FBN2: variants seen among roughly 807,000 people sequenced by gnomAD.
The protein encoded by FBN2 is fibrillin 2.
FBN2 carries 105 observed loss-of-function variants against 355.6 expected under a neutral mutation model. That is an observed-to-expected ratio of 0.30 (90% confidence interval 0.25 to 0.35). FBN2 has a LOEUF of 0.35. FBN2 is among the 10% of genes least tolerant of loss of function. FBN2 has a pLI of 1.00. For missense variants in FBN2, 3,280 were observed against 3,758.7 expected (o/e 0.87, Z 3.33); for synonymous variants, 1,350 against 1,301.2 (o/e 1.04, Z -0.81).
At position 128,258,387 on chromosome 5, in the gene FBN2, T is replaced by G. The variant is rs1192393623; in HGVS notation, c.*1068A>C. 2 of 152,468 alleles carry G rather than the reference T, an allele frequency of 1.3e-5. No homozygotes were observed. Among genetic ancestry groups the G allele is most frequent in the African/African-American group, 4.8e-5 (2 of 41,386 alleles). 9.4% of individuals were successfully genotyped at this position (152,468 alleles called of 1,614,324 possible). On this transcript the variant is annotated 3_prime_UTR_variant, in exon 65 of 65. Transcript: ENST00000262464. ...TGAAAATTCTAAAAAAAAAATGGGT[T>G]TAAAACAACAACAACAACATATATT... is the stretch of plus-strand genomic sequence containing the variant.
chr5:128,537,571 G>A lies in FBN2; in HGVS notation c.33C>T (p.Leu11=). ...CCACACAGCCCAGCCACAGGAAGTA[G>A]AGCTGGAGACACAGCCTCCGTCTTC... MGRRRRLCLQ[L]YFLWLGCVVL... Residue 11 remains leucine (L), a synonymous_variant, in exon 1 of 65, where the codon CTC becomes CTT. Transcript: ENST00000262464. 2 of 1,606,200 alleles carry A rather than the reference G, an allele frequency of 1.2e-6. No homozygotes were observed. The highest frequency in any genetic ancestry group is 1.7e-6 in the Non-Finnish European group (2 of 1,177,700).
At chr5:128,474,194 AC>A (rs1353748024) in intron 5 of FBN2, among the ~76,000 whole-genome samples, 2 of 152,224 alleles carry the variant, frequency 1.3e-5, no homozygotes, top group Non-Finnish European at 2.9e-5. Context: ...TACTTTAAGG[AC>A]AACAAAAATT....
At chr5:128,371,605 C>T (rs962433763) in intron 15 of FBN2, among the ~76,000 whole-genome samples, 1 of 148,998 alleles carries the variant, frequency 6.7e-6, no homozygotes, top group South Asian at 2.2e-4. Flanking sequence ...ATGATCTTGA[C>T]TCACTACAAC....
intron 36 of FBN2, among the ~76,000 whole-genome samples, chr5:128,315,278 A>C (rs1490864512): frequency 6.6e-6 from 1 of 152,188 alleles, no homozygotes; most frequent in South Asian, 2.1e-4. Flanking sequence ...TCAATTTTTT[A>C]ATCTATATTT....
intron 6 of FBN2, among the ~76,000 whole-genome samples, chr5:128,456,007 A>C (rs1754379980): frequency 1.4e-5 from 2 of 144,216 alleles, no homozygotes; most frequent in East Asian, 2.0e-4. Context: ...AAAAAAAAAA[A>C]AAAAAAAAAA....
chr5:128,421,195 T>A (rs1213204519), intron 7 of FBN2, among the ~76,000 whole-genome samples: 1 of 152,198 alleles, frequency 6.6e-6, no homozygotes, highest in Non-Finnish European at 1.5e-5. Context: ...GTCCTTGCAC[T>A]GTAGGCAATG....
intron 5 of FBN2, among the ~76,000 whole-genome samples, chr5:128,480,297 GTC>G (rs1186277708): frequency 6.6e-6 from 1 of 151,132 alleles, no homozygotes; most frequent in East Asian, 1.9e-4. Context: ...CATATTTTGT[GTC>G]TCTGCCATTA....
At chr5:128,291,960 T>A (rs920804949) in intron 48 of FBN2, among the ~76,000 whole-genome samples, 1 of 152,106 alleles carries the variant, frequency 6.6e-6, no homozygotes, top group Admixed American at 6.5e-5. Context: ...AGGCTCCATG[T>A]GGCCAAATGT....
At chr5:128,525,382 G>A (rs77151714) in intron 4 of FBN2, among the ~76,000 whole-genome samples, 2,604 of 152,184 alleles carry the variant, frequency 0.017, 75 homozygotes, top group African/African-American at 0.06. Flanking sequence ...TACTGTGTTC[G>A]TGATAGACTT....
intron 7 of FBN2, among the ~76,000 whole-genome samples, chr5:128,435,947 T>C (rs1372689681): frequency 6.6e-6 from 1 of 152,248 alleles, no homozygotes; most frequent in Non-Finnish European, 1.5e-5. Flanking sequence ...GAACTCTTTC[T>C]GGTCTAGACT....
intron 25 of FBN2, among the ~76,000 whole-genome samples, chr5:128,342,655 A>G (rs2126909364): frequency 6.6e-6 from 1 of 152,142 alleles, no homozygotes; most frequent in African/African-American, 2.4e-5. Flanking sequence ...GGAAAAGAGG[A>G]GTTAACCCCA....
chr5:128,455,990 C>CAAAAAAAAA lies in FBN2; in HGVS notation c.826+8725_826+8733dup, dbSNP rs70997371. Among the ~76,000 whole-genome samples the CAAAAAAAAA allele has an allele frequency of 9.5e-3, 240 of 25,268 alleles. 80 individuals carry two copies. The Middle Eastern group carries it at 0.17, about 18-fold the overall frequency. The allele number at this position is 25,268 out of a possible 152,430, so 16.6% of individuals were successfully genotyped here. A position where few individuals can be genotyped will look rare whatever the true frequency, so the allele number is the denominator to read the frequency against. ...GAGCTCCTTGGGGGAGGGTTAGCAA[C>CAAAAAAAAA]AAAAAAAAAAAAAAAAAAAAAAAAA... On this transcript the variant is annotated intron_variant, in intron 6 of 64. Coordinates refer to ENST00000262464, the MANE Select transcript of FBN2 (RefSeq NM_001999.4).
intron 5 of FBN2, among the ~76,000 whole-genome samples, chr5:128,494,624 A>G (rs1755604007): frequency 6.6e-6 from 1 of 152,192 alleles, no homozygotes. Context: ...AGCTTAACAG[A>G]TCAGGGACAA....
intron 7 of FBN2, among the ~76,000 whole-genome samples, chr5:128,422,935 A>C (rs764720209): frequency 6.6e-6 from 1 of 152,208 alleles, no homozygotes; most frequent in Non-Finnish European, 1.5e-5. Context: ...GTTTCAAAAT[A>C]AAAGATAAAT....
intron 7 of FBN2, among the ~76,000 whole-genome samples, chr5:128,415,041 T>C (rs1364517488): frequency 6.6e-6 from 1 of 152,186 alleles, no homozygotes; most frequent in Non-Finnish European, 1.5e-5. Flanking sequence ...GATTTGCCTA[T>C]GAATTTCCAT....
chr5:128,287,169 G>T (rs1749178053), intron 54 of FBN2, 139 bp downstream of exon 54: 2 of 1,077,424 alleles, frequency 1.9e-6, no homozygotes, highest in African/African-American at 1.5e-5. Flanking sequence ...TCTAGGTATG[G>T]AAATCTACTA....
intron 7 of FBN2, among the ~76,000 whole-genome samples, chr5:128,433,984 T>A (rs1245218588): frequency 6.6e-6 from 1 of 152,144 alleles, no homozygotes; most frequent in East Asian, 1.9e-4. Flanking sequence ...TGATTTTGTG[T>A]CTTCTAAAAT....
chr5:128,266,081 TTTA>T lies in FBN2; in HGVS notation c.7961-2428_7961-2426del, dbSNP rs1765107505. ...CTAATTCTTTTGCTAACTTGTTGCT[TTTA>T]TTAGTTTCCTGAAGGGGTATTTCAC... On this transcript the variant is annotated intron_variant, in intron 62 of 64. Transcript: ENST00000262464. Among the ~76,000 whole-genome samples the T allele has an allele frequency of 1.3e-5, 2 of 152,198 alleles. 1 individual carries two copies. Among genetic ancestry groups the T allele is most frequent in the South Asian group, 4.1e-4 (2 of 4,830 alleles).
Position 128,344,649 on chromosome 5 carries a change from C to G in FBN2, c.3218-139G>C, listed in dbSNP as rs2126912474. 4.0e-6 allele frequency: 3 copies of G among 750,220 alleles called. No individual in the cohort carries two copies. The East Asian group carries it at 7.9e-5, about 20-fold the overall frequency. The allele number at this position is 750,220 out of a possible 1,614,324, so 46.5% of individuals were successfully genotyped here. ...CAGGGCTACTAAATGTTTCAGTGAT[C>G]ACACTGATATCACACAGGAAGTTTC... On this transcript the variant is annotated intron_variant, in intron 24 of 64. Coordinates refer to ENST00000262464, the MANE Select transcript of FBN2 (RefSeq NM_001999.4).
Sources: allele counts gnomAD v4.1 joint callset (sites outside exome capture counted in the v4.1 genomes callset), GRCh38; gene constraint gnomAD v4.1.1; transcripts MANE v1.5; gene names NCBI Gene and HGNC (gene_info 2026-07-23, HGNC 2026-07-21).